ELP4: variants seen among roughly 807,000 people sequenced by gnomAD.
ELP4 encodes elongator acetyltransferase complex subunit 4, also known as elongator complex protein 4.
A neutral mutation model predicts 48.9 loss-of-function variants in ELP4; 51 were observed. The observed-to-expected ratio is 1.04, with a 90% CI of 0.83 to 1.32. The LOEUF is 1.32. ELP4 is among the 40% of genes most tolerant of loss of function. The pLI, the probability that ELP4 is intolerant of heterozygous loss-of-function variation, is 0.00. For missense variants in ELP4, 519 were observed against 514.6 expected (o/e 1.01, Z -0.08); for synonymous variants, 210 against 189.2 (o/e 1.11, Z -0.90).
chr11:31,571,284 G>A (rs1702932870), intron 3 of ELP4, among the ~76,000 whole-genome samples: 1 of 152,188 alleles, frequency 6.6e-6, no homozygotes, highest in Non-Finnish European at 1.5e-5. Context: ...ACCAGGAGTA[G>A]AATCCATCTC....
At chr11:31,588,030 T>G (rs1352548507) in intron 3 of ELP4, among the ~76,000 whole-genome samples, 1 of 151,910 alleles carries the variant, frequency 6.6e-6, no homozygotes, top group Admixed American at 6.6e-5. Context: ...TCCAAACTGT[T>G]TATATACTTT....
intron 9 of ELP4, among the ~76,000 whole-genome samples, chr11:31,782,319 T>C (rs1232454532): frequency 3.9e-5 from 6 of 152,026 alleles, no homozygotes; most frequent in Non-Finnish European, 7.4e-5. Context: ...CATCTGTTTT[T>C]CCCCCCCATA....
intron 9 of ELP4, among the ~76,000 whole-genome samples, chr11:31,750,978 C>T (rs1592280364): frequency 6.6e-6 from 1 of 152,162 alleles, no homozygotes; most frequent in Admixed American, 6.5e-5. Context: ...CTTCAGGCTC[C>T]AGTATTTAAC....
intron 9 of ELP4, among the ~76,000 whole-genome samples, chr11:31,724,347 G>A (rs2134191035): frequency 6.6e-6 from 1 of 152,304 alleles, no homozygotes; most frequent in East Asian, 1.9e-4. Flanking sequence ...AACTAACATT[G>A]ACTGCAACCT....
At chr11:31,721,618 AGTGGCAGGTCTT>A (rs1946960077) in intron 9 of ELP4, among the ~76,000 whole-genome samples, 1 of 152,114 alleles carries the variant, frequency 6.6e-6, no homozygotes, top group Non-Finnish European at 1.5e-5. Context: ...CTTCTGAAGC[AGTGGCAGGTCTT>A]GTGGGGAATT....
intron 9 of ELP4, among the ~76,000 whole-genome samples, chr11:31,759,999 C>T (rs374560441): frequency 1.3e-5 from 2 of 152,096 alleles, no homozygotes; most frequent in Non-Finnish European, 2.9e-5. Flanking sequence ...CCACTATGGT[C>T]GGTCAGTGTT....
chr11:31,567,881 T>C (rs1456671784), intron 3 of ELP4, among the ~76,000 whole-genome samples: 1 of 152,220 alleles, frequency 6.6e-6, no homozygotes, highest in East Asian at 1.9e-4. Context: ...TATAGAGTCT[T>C]GCCTTGATGT....
chr11:31,594,780 C>T lies in ELP4; in HGVS notation c.392C>T (p.Ala131Val), dbSNP rs1305926178. The T allele has an allele frequency of 6.6e-7, 1 of 1,515,030 alleles. No homozygotes were observed. Among genetic ancestry groups the T allele is most frequent in the Non-Finnish European group, 8.8e-7 (1 of 1,140,192 alleles). 93.8% of individuals were successfully genotyped at this position (1,515,030 alleles called of 1,614,324 possible). ...ATTTTGTTTTCTTAGGAACTTCCAG[C>T]ACCATTACTTGATGATAAATGTAAA... The part of the protein sequence containing the change: ...DPANILQELP[A>V]PLLDDKCKKE... Residue 131 changes from alanine to valine, a missense_variant, in exon 4 of 10, where the codon GCA (alanine) becomes GTA (valine). Ala to Val is a moderately conservative substitution (Grantham distance 64). Coordinates refer to ENST00000640961, the MANE Select transcript of ELP4 (RefSeq NM_019040.5).
intron 9 of ELP4, among the ~76,000 whole-genome samples, chr11:31,765,930 C>T (rs1419370061): frequency 6.6e-6 from 1 of 151,918 alleles, no homozygotes; most frequent in Non-Finnish European, 1.5e-5. Context: ...AGAATTAACT[C>T]CTAATAAAAG....
At chr11:31,515,009 G>T (rs1262830658) in intron 1 of ELP4, among the ~76,000 whole-genome samples, 1 of 126,390 alleles carries the variant, frequency 7.9e-6, no homozygotes, top group Non-Finnish European at 1.7e-5. Flanking sequence ...GCATGTGTGT[G>T]TGTGTGTGTG....
At chr11:31,544,907 C>G (rs1398214345) in intron 3 of ELP4, among the ~76,000 whole-genome samples, 2 of 152,054 alleles carry the variant, frequency 1.3e-5, no homozygotes, top group African/African-American at 4.8e-5. Flanking sequence ...TGGAGTGGAC[C>G]TCTAGCAAAC....
At position 31,686,380 on chromosome 11, in the gene ELP4, G is replaced by T. The variant is rs1462180866; in HGVS notation, c.1143+36159G>T. ...TAGCTTCTCATCTTGATTATCTTAA[G>T]TACAAACATATTCACTATAATTAGA... On this transcript the variant is annotated intron_variant, in intron 9 of 9. Coordinates refer to ENST00000640961, the MANE Select transcript of ELP4 (RefSeq NM_019040.5). 3.6e-5 allele frequency among the ~76,000 whole-genome samples: 5 copies of T among 140,344 alleles called. No individual in the cohort carries two copies. In the East Asian group the frequency reaches 1.1e-3, roughly 30 times the overall value. 92.1% of individuals were successfully genotyped at this position (140,344 alleles called of 152,430 possible).
intron 9 of ELP4, among the ~76,000 whole-genome samples, chr11:31,772,298 T>C (rs1462365627): frequency 6.6e-6 from 1 of 152,086 alleles, no homozygotes; most frequent in Non-Finnish European, 1.5e-5. Context: ...CGGCTAGTTT[T>C]TGCATTTTTG....
intron 4 of ELP4, among the ~76,000 whole-genome samples, chr11:31,600,917 C>A (rs1264910772): frequency 6.6e-6 from 1 of 152,238 alleles, no homozygotes; most frequent in South Asian, 2.1e-4. Flanking sequence ...CCTGTACCCC[C>A]ATCAAAGTTC....
intron 3 of ELP4, among the ~76,000 whole-genome samples, chr11:31,561,436 ATTATTTT>A (rs149894415): frequency 0.093 from 14,100 of 151,922 alleles, 855 homozygotes; most frequent in East Asian, 0.21. Context: ...TGAAGAGCAC[ATTATTTT>A]TTATTTTTTA....
chr11:31,779,279 T>C (rs1324691013), intron 9 of ELP4, among the ~76,000 whole-genome samples: 1 of 152,234 alleles, frequency 6.6e-6, no homozygotes, highest in Admixed American at 6.5e-5. Context: ...ATTAAACTTA[T>C]TTTAATGAGT....
chr11:31,547,018 C>T lies in ELP4; in HGVS notation c.381+7235C>T, dbSNP rs1043318321. 5.9e-5 allele frequency among the ~76,000 whole-genome samples: 9 copies of T among 151,670 alleles called. No individual in the cohort carries two copies. In the South Asian group the frequency reaches 1.3e-3, roughly 21 times the overall value. ...GAGGGAAATTTATAGCACTAAATGCCCACAAGAGAAAGCAGGAAAGATCCA... is the reference window on the plus strand; with the variant it reads ...GAGGGAAATTTATAGCACTAAATGCTCACAAGAGAAAGCAGGAAAGATCCA... On this transcript the variant is annotated intron_variant, in intron 3 of 9. Coordinates refer to ENST00000640961, the MANE Select transcript of ELP4 (RefSeq NM_019040.5).
intron 3 of ELP4, among the ~76,000 whole-genome samples, chr11:31,566,358 C>CA (rs61332262): frequency 0.016 from 2,165 of 135,728 alleles, 44 homozygotes; most frequent in African/African-American, 0.052. Flanking sequence ...ACTGCATCTC[C>CA]AAAAAAAAAA....
intron 4 of ELP4, among the ~76,000 whole-genome samples, chr11:31,595,429 C>T (rs753948181): frequency 6.6e-6 from 1 of 152,078 alleles, no homozygotes; most frequent in African/African-American, 2.4e-5. Flanking sequence ...TTTATTAGCT[C>T]CCTTATTTGA....
Sources: allele counts gnomAD v4.1 joint callset (sites outside exome capture counted in the v4.1 genomes callset), GRCh38; gene constraint gnomAD v4.1.1; transcripts MANE v1.5; gene names NCBI Gene and HGNC (gene_info 2026-07-23, HGNC 2026-07-21).